DLG2: variants seen among roughly 807,000 people sequenced by gnomAD.
DLG2 encodes the protein disks large homolog 2.
A neutral mutation model predicts 132.5 loss-of-function variants in DLG2; 45 were observed. That is an observed-to-expected ratio of 0.34 (90% confidence interval 0.27 to 0.44). DLG2 has a LOEUF of 0.44. Among genes scored for constraint, DLG2 ranks in the 20% least tolerant of loss-of-function variants. The probability of loss-of-function intolerance (pLI) is 1.00; values close to 1 mark genes in which losing one functional copy is unlikely to be tolerated. For missense variants in DLG2, 1,045 were observed against 1,196.9 expected, an observed-to-expected ratio of 0.87 and a Z score of 1.87; for synonymous variants, 424 against 419.6, an observed-to-expected ratio of 1.01 and a Z score of -0.13.
At chr11:85,272,569 C>T (rs2077603773) in intron 4 of DLG2, among the ~76,000 whole-genome samples, 1 of 152,010 alleles carries the variant, frequency 6.6e-6, no homozygotes, top group South Asian at 2.1e-4. Context: ...GTCTGCTTTA[C>T]TTAGAGCTAC....
At chr11:84,324,810 C>T (rs2098422498) in intron 7 of DLG2, among the ~76,000 whole-genome samples, 1 of 151,734 alleles carries the variant, frequency 6.6e-6, no homozygotes, top group Non-Finnish European at 1.5e-5. Context: ...TCTTAATTTC[C>T]TTTCATATAT....
intron 11 of DLG2, among the ~76,000 whole-genome samples, chr11:83,997,507 G>A (rs573024661): frequency 2.0e-4 from 30 of 152,026 alleles, no homozygotes; most frequent in African/African-American, 6.0e-4. Context: ...GGCTGAGGTA[G>A]GCAGATCACT....
intron 15 of DLG2, among the ~76,000 whole-genome samples, chr11:83,878,079 G>A (rs898353170): frequency 3.9e-5 from 6 of 152,120 alleles, no homozygotes; most frequent in African/African-American, 1.4e-4. Flanking sequence ...AGAACCAAGG[G>A]AGGAAATCAC....
At chr11:85,154,700 T>A in intron 4 of DLG2, 49 bp from the exon 5 acceptor site, 1 of 898,182 alleles carries the variant, frequency 1.1e-6, no homozygotes, top group Non-Finnish European at 1.7e-6. Flanking sequence ...TTTTCTGCAA[T>A]GTATATTGTT....
intron 6 of DLG2, among the ~76,000 whole-genome samples, chr11:85,086,588 A>G (rs895388334): frequency 6.6e-6 from 1 of 152,134 alleles, no homozygotes; most frequent in Non-Finnish European, 1.5e-5. Context: ...CCAAAATTCA[A>G]CTCTGTCTGA....
At chr11:85,046,389 G>C (rs1370744436) in intron 6 of DLG2, among the ~76,000 whole-genome samples, 1 of 151,938 alleles carries the variant, frequency 6.6e-6, no homozygotes, top group Non-Finnish European at 1.5e-5. Flanking sequence ...GAATTATGAG[G>C]ATAGGCTAGA....
At chr11:83,728,717 G>C (rs1259224445) in intron 18 of DLG2, among the ~76,000 whole-genome samples, 1 of 152,210 alleles carries the variant, frequency 6.6e-6, no homozygotes, top group East Asian at 1.9e-4. Context: ...TTCTTCCCCT[G>C]CTTTCAGCAA....
At chr11:84,515,243 C>A (rs1565161396) in intron 7 of DLG2, among the ~76,000 whole-genome samples, 1 of 148,224 alleles carries the variant, frequency 6.7e-6, no homozygotes, top group African/African-American at 2.5e-5. Context: ...AATTATCCAA[C>A]CAAATTACGT....
At chr11:83,847,739 C>G (rs913784911) in intron 16 of DLG2, among the ~76,000 whole-genome samples, 1 of 152,122 alleles carries the variant, frequency 6.6e-6, no homozygotes, top group East Asian at 1.9e-4. Flanking sequence ...AGAAGTGGGG[C>G]GTTCCCATTT....
intron 11 of DLG2, among the ~76,000 whole-genome samples, chr11:84,052,631 T>A (rs187004644): frequency 6.7e-4 from 86 of 128,256 alleles, no homozygotes; most frequent in Non-Finnish European, 1.0e-3. Flanking sequence ...AAATGCAAAT[T>A]AAAACCACAA....
At chr11:83,849,565 T>C (rs936639702) in intron 16 of DLG2, among the ~76,000 whole-genome samples, 5 of 151,980 alleles carry the variant, frequency 3.3e-5, no homozygotes, top group East Asian at 1.9e-4. Flanking sequence ...GGGCCTGGGA[T>C]AGAAAGAAAT....
rs954214044 is a variant in DLG2, at chr11:85,421,969, T to C, written c.41-136604A>G. 4.6e-5 allele frequency among the ~76,000 whole-genome samples: 7 copies of C among 152,268 alleles called. No homozygotes were observed. The South Asian group carries it at 8.3e-4, about 18-fold the overall frequency. ...AAGCTTAGTTTCACTGGATACACAA[T>C]TTTTGGCTGATTATTGTTTTATTTG... is the stretch of plus-strand genomic sequence containing the variant. On this transcript the variant is annotated intron_variant, in intron 3 of 27. Coordinates refer to ENST00000376104, the MANE Select transcript of DLG2 (RefSeq NM_001142699.3).
At chr11:84,477,079 G>T (rs1342852657) in intron 7 of DLG2, among the ~76,000 whole-genome samples, 1 of 152,124 alleles carries the variant, frequency 6.6e-6, no homozygotes, top group African/African-American at 2.4e-5. Context: ...AGTGGACACT[G>T]AACAAATAAT....
chr11:85,238,775 G>T (rs1233811373), intron 4 of DLG2, among the ~76,000 whole-genome samples: 1 of 151,648 alleles, frequency 6.6e-6, no homozygotes, highest in African/African-American at 2.4e-5. Context: ...TTTGCAAAAA[G>T]TTCAAGGTTT....
At chr11:84,445,725 G>C (rs2154479312) in intron 7 of DLG2, among the ~76,000 whole-genome samples, 1 of 151,848 alleles carries the variant, frequency 6.6e-6, no homozygotes, top group African/African-American at 2.4e-5. Context: ...GACCATCCTG[G>C]CTAACATGGT....
intron 19 of DLG2, among the ~76,000 whole-genome samples, chr11:83,630,416 A>G (rs2063359461): frequency 6.6e-6 from 1 of 152,158 alleles, no homozygotes; most frequent in Non-Finnish European, 1.5e-5. Flanking sequence ...ATATTTTACT[A>G]AGTCAGCTAA....
chr11:85,498,496 C>T (rs1490493066), intron 3 of DLG2, among the ~76,000 whole-genome samples: 1 of 152,084 alleles, frequency 6.6e-6, no homozygotes, highest in Non-Finnish European at 1.5e-5. Context: ...CTTTAACACC[C>T]CATTGTCAAT....
At chr11:85,166,192 T>G (rs946494861) in intron 4 of DLG2, among the ~76,000 whole-genome samples, 2 of 152,100 alleles carry the variant, frequency 1.3e-5, no homozygotes, top group African/African-American at 4.8e-5. Context: ...TCTCTTGAAC[T>G]CTCCTTCTCT....
chr11:84,190,872 T>G (rs562475034), intron 8 of DLG2, among the ~76,000 whole-genome samples: 89 of 152,354 alleles, frequency 5.8e-4, no homozygotes, highest in African/African-American at 2.0e-3. Context: ...GCTATCGTAA[T>G]AATCTAGTTG....
Sources: allele counts gnomAD v4.1 joint callset (sites outside exome capture counted in the v4.1 genomes callset), GRCh38; gene constraint gnomAD v4.1.1; transcripts MANE v1.5; gene names NCBI Gene and HGNC (gene_info 2026-07-23, HGNC 2026-07-21).